ROBO1: variants seen among roughly 807,000 people sequenced by gnomAD.
ROBO1 encodes the protein roundabout guidance receptor 1.
In ROBO1, 149 loss-of-function variants were observed where a neutral mutation model predicts 195.9. The observed-to-expected ratio is 0.76, with a 90% confidence interval of 0.67 to 0.87. ROBO1 has a LOEUF of 0.87. Among genes scored for constraint, ROBO1 ranks in the 40% least tolerant of loss-of-function variants. The pLI is 0.00. For missense variants in ROBO1, 1,933 were observed against 2,068.3 expected, an observed-to-expected ratio of 0.93 and a Z score of 1.27; for synonymous variants, 816 against 733.2, an observed-to-expected ratio of 1.11 and a Z score of -1.82.
rs550504768 is a variant in ROBO1, at chr3:79,539,937, G to T, written c.88+49887C>A. Among the ~76,000 whole-genome samples, 3 of 67,542 alleles carry T rather than the reference G, an allele frequency of 4.4e-5. No individual in the cohort carries two copies. In the African/African-American group the frequency reaches 4.9e-4, roughly 11 times the overall value. The allele number at this position is 67,542 out of a possible 152,430, so 44.3% of individuals were successfully genotyped here. ...TGATCCAAAGATTAATTTTATATGT[G>T]ACCCCCAAGTTGGACTTGAATCTAG... On this transcript the variant is annotated intron_variant, in intron 2 of 30. Transcript: ENST00000464233.
chr3:79,364,135 C>T (rs970246057), intron 2 of ROBO1, among the ~76,000 whole-genome samples: 3 of 151,398 alleles, frequency 2.0e-5, no homozygotes, highest in Admixed American at 6.6e-5. Context: ...ACCCGGGAGG[C>T]GGAGCTTGCA....
chr3:78,877,658 C>G (rs1326192705), intron 4 of ROBO1, among the ~76,000 whole-genome samples: 2 of 152,112 alleles, frequency 1.3e-5, no homozygotes, highest in Admixed American at 1.3e-4. Context: ...ATTTTAGTAT[C>G]TCTCAGACCA....
intron 1 of ROBO1, 77 bp from the exon 2 acceptor site, chr3:79,590,038 T>C (rs941992665): frequency 1.7e-6 from 1 of 591,266 alleles, no homozygotes; most frequent in African/African-American, 1.9e-5. Context: ...ACATTGCAGT[T>C]CAAATAGATT....
chr3:78,768,157 T>C lies in ROBO1; in HGVS notation c.500-21257A>G, dbSNP rs533687588. On this transcript the variant is annotated intron_variant, in intron 4 of 30. Coordinates refer to ENST00000464233, the MANE Select transcript of ROBO1 (RefSeq NM_002941.4). Reference sequence around the variant, plus strand: ...CATTCAGTTTGAAGAGTTTTAAAATTTCCATCTTGATTTCGTTTTTGACCA... The same window carrying C: ...CATTCAGTTTGAAGAGTTTTAAAATCTCCATCTTGATTTCGTTTTTGACCA... Among the ~76,000 whole-genome samples the C allele has an allele frequency of 1.7e-4, 26 of 152,232 alleles. 1 individual carries two copies. The South Asian group carries it at 3.7e-3, about 22-fold the overall frequency.
intron 3 of ROBO1, among the ~76,000 whole-genome samples, chr3:79,067,474 C>T (rs1419033493): frequency 6.6e-6 from 1 of 151,934 alleles, no homozygotes; most frequent in Non-Finnish European, 1.5e-5. Flanking sequence ...GACAGAAGAA[C>T]TGAAGTAAGA....
chr3:78,700,764 C>CTT (rs71127355), intron 8 of ROBO1, among the ~76,000 whole-genome samples: 13 of 144,414 alleles, frequency 9.0e-5, no homozygotes, highest in South Asian at 2.2e-4. Context: ...ATCTTTTTTT[C>CTT]TTTTTTTTTT....
chr3:78,614,394 A>T, intron 28 of ROBO1, among the ~76,000 whole-genome samples: 1 of 152,220 alleles, frequency 6.6e-6, no homozygotes, highest in South Asian at 2.1e-4. Context: ...TTGAAACTAT[A>T]AAATAACTTT....
At chr3:79,548,685 A>G (rs1202800292) in intron 2 of ROBO1, among the ~76,000 whole-genome samples, 3 of 152,202 alleles carry the variant, frequency 2.0e-5, no homozygotes, top group Non-Finnish European at 2.9e-5. Flanking sequence ...GTGGTATATT[A>G]TATGCACCTA....
intron 1 of ROBO1, among the ~76,000 whole-genome samples, chr3:79,662,056 T>G (rs2106835077): frequency 6.6e-6 from 1 of 152,166 alleles, no homozygotes; most frequent in Middle Eastern, 3.4e-3. Flanking sequence ...TCTATGATAA[T>G]ACTTGGAATG....
intron 4 of ROBO1, among the ~76,000 whole-genome samples, chr3:78,751,460 G>T (rs1426710265): frequency 6.6e-6 from 1 of 152,080 alleles, no homozygotes; most frequent in Non-Finnish European, 1.5e-5. Flanking sequence ...TGATTCACAG[G>T]TGAGGAATTT....
intron 28 of ROBO1, among the ~76,000 whole-genome samples, chr3:78,610,604 A>G (rs1703753002): frequency 6.6e-6 from 1 of 152,160 alleles, no homozygotes; most frequent in South Asian, 2.1e-4. Context: ...TGGGCCTTTA[A>G]GATATCAAAA....
intron 1 of ROBO1, among the ~76,000 whole-genome samples, chr3:79,704,003 T>C (rs2107177928): frequency 6.6e-6 from 1 of 152,100 alleles, no homozygotes; most frequent in South Asian, 2.1e-4. Context: ...TATGAAAATA[T>C]TTTCCATACT....
intron 2 of ROBO1, among the ~76,000 whole-genome samples, chr3:79,477,371 G>A (rs989630584): frequency 6.6e-6 from 1 of 152,096 alleles, no homozygotes; most frequent in Non-Finnish European, 1.5e-5. Context: ...TTTTGCTTGG[G>A]AAATTCCCAC....
At chr3:79,279,290 AAAAC>A (rs1468633274) in intron 2 of ROBO1, among the ~76,000 whole-genome samples, 2 of 152,006 alleles carry the variant, frequency 1.3e-5, no homozygotes, top group Admixed American at 1.3e-4. Context: ...AACAAACAAA[AAAAC>A]AAAAACAACA....
rs112482967 is a variant in ROBO1, at chr3:79,023,944, T to C, written c.173-85017A>G. On this transcript the variant is annotated intron_variant, in intron 3 of 30. Coordinates refer to ENST00000464233, the MANE Select transcript of ROBO1 (RefSeq NM_002941.4). ...TCAGGCTGGTCTCGAACTCCTGACC[T>C]CGTTATCTGCCCACCTCAGCCTCCC... Among the ~76,000 whole-genome samples the C allele has an allele frequency of 6.1e-4, 92 of 151,242 alleles. 1 individual carries two copies. The highest frequency in any genetic ancestry group is 2.1e-3 in the African/African-American group (87 of 41,134).
intron 2 of ROBO1, among the ~76,000 whole-genome samples, chr3:79,574,300 C>T (rs1171338855): frequency 6.6e-6 from 1 of 151,954 alleles, no homozygotes; most frequent in Non-Finnish European, 1.5e-5. Flanking sequence ...CGTTTACATA[C>T]ATTCTACTTG....
intron 4 of ROBO1, among the ~76,000 whole-genome samples, chr3:78,820,707 A>C (rs2030810795): frequency 1.3e-5 from 2 of 152,246 alleles, no homozygotes; most frequent in South Asian, 4.1e-4. Flanking sequence ...AACCTCAGCT[A>C]GTCCGAGAAG....
rs113245503 is a variant in ROBO1, at chr3:79,656,758, A to T, written c.-50-66797T>A. Among the ~76,000 whole-genome samples the T allele has an allele frequency of 7.4e-3, 1,133 of 152,088 alleles. 13 individuals carry two copies. Among genetic ancestry groups the T allele is most frequent in the African/African-American group, 0.026 (1,071 of 41,536 alleles). ...AAAGAATTAAAAAAAATAGCTGAGC[A>T]TGGTGGCACATGCCTGTAGTCCCAG... is the stretch of plus-strand genomic sequence containing the variant. On this transcript the variant is annotated intron_variant, in intron 1 of 30. Coordinates refer to ENST00000464233, the MANE Select transcript of ROBO1 (RefSeq NM_002941.4).
In ROBO1 at chr3:78,688,510, T is replaced by C. The variant is rs185914252; in HGVS notation, c.1170+138A>G. ...TTTGTCTTCTTTCTCATTGCTAAAA[T>C]GTTCTGGGCACTCAGAGATTTGCCA... On this transcript the variant is annotated intron_variant, in intron 9 of 30. Coordinates refer to ENST00000464233, the MANE Select transcript of ROBO1 (RefSeq NM_002941.4). 2.8e-4 allele frequency: 245 copies of C among 867,800 alleles called. No homozygotes were observed. The African/African-American group carries it at 3.7e-3, about 13-fold the overall frequency. The allele number at this position is 867,800 out of a possible 1,614,324, so 53.8% of individuals were successfully genotyped here.
Sources: allele counts gnomAD v4.1 joint callset (sites outside exome capture counted in the v4.1 genomes callset), GRCh38; gene constraint gnomAD v4.1.1; transcripts MANE v1.5; gene names NCBI Gene and HGNC (gene_info 2026-07-23, HGNC 2026-07-21).